The following SERINC4 variants were observed in gnomAD, a reference collection of about 807,000 sequenced individuals.
SERINC4 encodes serine incorporator 4.
Under a neutral mutation model 52.0 loss-of-function variants are expected in SERINC4, and 52 were observed. The ratio of observed to expected loss-of-function variants is 1.00; its 90% CI spans 0.80 to 1.26. The LOEUF is 1.26. SERINC4 is among the 50% of genes most tolerant of loss of function. The pLI, the probability that SERINC4 is intolerant of heterozygous loss-of-function variation, is 0.00. For synonymous variants in SERINC4, 264 were observed against 247.7 expected, an observed-to-expected ratio of 1.07 and a Z score of -0.62; for missense variants, 723 against 632.8, an observed-to-expected ratio of 1.14 and a Z score of -1.53.
At position 43,796,696 on chromosome 15, in the gene SERINC4, A is replaced by G; in HGVS notation, c.987T>C (p.Ser329=). ...TATCTGGTGTTTGGGGTTCCATTTTACTCAGGCCAGGCAGGCACAGGGTGT... is the reference window on the plus strand; with the variant it reads ...TATCTGGTGTTTGGGGTTCCATTTTGCTCAGGCCAGGCAGGCACAGGGTGT... ...QNHTLCLPGL[S]KMEPQTPDIS... Residue 329 remains serine, a synonymous_variant, in exon 8 of 12, where the codon AGT becomes AGC. Transcript: ENST00000319327. 6.2e-7 allele frequency: 1 copy of G among 1,614,072 alleles called. No homozygotes were observed. The highest frequency in any genetic ancestry group is 8.5e-7 in the Non-Finnish European group (1 of 1,180,006).
In SERINC4 at chr15:43,795,734, C is replaced by T. The variant is rs1339293392; in HGVS notation, c.1143G>A (p.Lys381=). The T allele has an allele frequency of 8.1e-6, 13 of 1,613,712 alleles. No individual in the cohort carries two copies. The highest frequency in any genetic ancestry group is 4.0e-5 in the African/African-American group (3 of 74,902). ...IVKVYSYEFQ[K]PSLCFCCPET... is the part of the protein sequence containing the mutation. ...CAGGGCAGCAGAAACACAGTGAGGG[C>T]TTCTGCAAAACAGAACGCAGGTTTT... The change falls in exon 10 of 12, where the codon AAG becomes AAA. Residue 381 remains lysine, a splice_region_variant and synonymous_variant. Transcript: ENST00000319327.
At chr15:43,796,399 A>T (rs1284088995) in intron 8 of SERINC4, 172 bp from the exon 9 acceptor site, 5 of 705,252 alleles carry the variant, frequency 7.1e-6, no homozygotes, top group Non-Finnish European at 9.6e-6. Context: ...GTCTTTGGAC[A>T]TATTTTAAAT....
chr15:43,796,824 A>G (rs776430494), intron 7 of SERINC4, 21 bp downstream of exon 7: 1 of 1,613,528 alleles, frequency 6.2e-7, no homozygotes, highest in Non-Finnish European at 8.5e-7. Flanking sequence ...TAGCATGGAG[A>G]ATCCAGGTCC....
In SERINC4 at chr15:43,795,054, CAAGAT is replaced by C. The variant is rs757346933; in HGVS notation, c.1498_1502del (p.Ile500GlufsTer12). 21 of 1,607,792 alleles carry C rather than the reference CAAGAT, an allele frequency of 1.3e-5. No homozygotes were observed. Among genetic ancestry groups the C allele is most frequent in the African/African-American group, 5.4e-5 (4 of 74,586 alleles). ...ATATGATGCGGTGGCGGCGGCGCCT[CAAGAT>C]AAGGGGCTGGGGTTTCTGGGTGGGG... On this transcript the variant is annotated frameshift_variant, in exon 12 of 12. Transcript: ENST00000319327. LOFTEE classifies it low-confidence loss of function (END_TRUNC).
rs776299722 is a variant in SERINC4, at chr15:43,796,844, C to G, written c.940+1G>C. 5.0e-5 allele frequency: 81 copies of G among 1,613,650 alleles called. No individual in the cohort carries two copies. Among genetic ancestry groups the G allele is most frequent in the Non-Finnish European group, 6.5e-5 (77 of 1,179,680 alleles). On this transcript the variant is annotated splice_donor_variant, in intron 7 of 11. Transcript: ENST00000319327. LOFTEE classifies it high-confidence loss of function. ...TGGAGAATCCAGGTCCTGTCCCTTA[C>G]CTCTCTCTGGAGGACGGCTGGACAG...
At chr15:43,799,260 TTTTTCC>T in intron 2 of SERINC4, 44 bp downstream of exon 2, 1 of 1,530,526 alleles carries the variant, frequency 6.5e-7, no homozygotes, top group Non-Finnish European at 8.8e-7. Context: ...TATCTTAGGG[TTTTTCC>T]TTTTATCTCT....
At chr15:43,798,743 T>C in intron 3 of SERINC4, 1 of 627,702 alleles carries the variant, frequency 1.6e-6, no homozygotes, top group Middle Eastern at 2.5e-4. Flanking sequence ...TTATAAAGGA[T>C]TGTGTTACCA....
chr15:43,797,552 C>T, intron 5 of SERINC4, 196 bp from the exon 6 acceptor site: 1 of 570,456 alleles, frequency 1.8e-6, no homozygotes, highest in South Asian at 2.1e-5. Context: ...ACCACCATGT[C>T]CAGCTAACTT....
At chr15:43,795,659 C>CTA in intron 10 of SERINC4, 29 bp downstream of exon 10, 1 of 1,613,232 alleles carries the variant, frequency 6.2e-7, no homozygotes, top group Non-Finnish European at 8.5e-7. Context: ...AGATCTACCA[C>CTA]TTCTTATGGT....
At chr15:43,796,489 G>C (rs549311835) in intron 8 of SERINC4, 127 bp downstream of exon 8, 3 of 1,033,116 alleles carry the variant, frequency 2.9e-6, no homozygotes, top group Non-Finnish European at 2.9e-6. Context: ...GTCCCTGTTT[G>C]TGGGGAGCTT....
rs1178971193 is a variant in SERINC4 at position 43,795,694 on chromosome 15, C to G, written c.1183G>C (p.Asp395His). ...CFCCPETVEA[D>H]KGQRGGAARP... ...TTCCTCACTTGGCACTCACCTTTGT[C>G]TGCCTCCACTGTTTCAGGGCAGCAG... Residue 395 changes from aspartate (D) to histidine (H), a missense_variant, in exon 10 of 12, where the codon GAC (aspartate) becomes CAC (histidine). Transcript: ENST00000319327. 5 of 1,613,916 alleles carry G rather than the reference C, an allele frequency of 3.1e-6. No homozygotes were observed. The African/African-American group carries it at 6.7e-5, about 22-fold the overall frequency.
At position 43,795,131 on chromosome 15, in the gene SERINC4, A is replaced by G. The variant is rs1317741426; in HGVS notation, c.1426T>C (p.Cys476Arg). 1.9e-6 allele frequency: 3 copies of G among 1,614,162 alleles called. No homozygotes were observed. Among genetic ancestry groups the G allele is most frequent in the Non-Finnish European group, 2.5e-6 (3 of 1,180,032 alleles). ...FWVKVASCWA[C>R]VLLYLGLLLA... ...AACAGCCCCAGATAGAGGAGTACGC[A>G]GGCCCAGCATGAGGCAACCTTGACC... The change falls in exon 12 of 12, where the codon TGC becomes CGC. Residue 476 changes from cysteine to arginine, a missense_variant. By Grantham distance (180) the Cys-to-Arg change is radical. Coordinates refer to ENST00000319327, the MANE Select transcript of SERINC4 (RefSeq NM_001258031.2).
At chr15:43,795,835 GT>G in intron 9 of SERINC4, 99 bp from the exon 10 acceptor site, 1 of 1,252,046 alleles carries the variant, frequency 8.0e-7, no homozygotes, top group Admixed American at 2.3e-5. Flanking sequence ...GTATTAAAAA[GT>G]GGAGGCACAC....
Position 43,794,302 on chromosome 15 carries a change from T to C in SERINC4, c.*698A>G, listed in dbSNP as rs1464949453. 1 of 256,918 alleles carries C rather than the reference T, an allele frequency of 3.9e-6. No individual in the cohort carries two copies. The highest frequency in any genetic ancestry group is 2.2e-5 in the African/African-American group (1 of 44,976). The allele number at this position is 256,918 out of a possible 1,614,324, so 15.9% of individuals were successfully genotyped here. ...GTTCCCCACCCTTGAACACCATCTC[T>C]AGGATGGAGTTGGCCTAAGAGTGAA... On this transcript the variant is annotated 3_prime_UTR_variant, in exon 12 of 12. Coordinates refer to ENST00000319327, the MANE Select transcript of SERINC4 (RefSeq NM_001258031.2).
At chr15:43,795,818 T>A in intron 9 of SERINC4, 82 bp from the exon 10 acceptor site, 1 of 1,447,064 alleles carries the variant, frequency 6.9e-7, no homozygotes, top group African/African-American at 1.4e-5. Flanking sequence ...GTGAAAAGAT[T>A]GGTCTAGTAT....
At position 43,794,801 on chromosome 15, in the gene SERINC4, C is replaced by T; in HGVS notation, c.*199G>A. ...CTCTTGAGCTGGGATGCAGATGTAA[C>T]AGTAGCTCCAGTGAGTCAGACACTC... On this transcript the variant is annotated 3_prime_UTR_variant, in exon 12 of 12. Transcript: ENST00000319327. The T allele has an allele frequency of 1.8e-6, 1 of 551,074 alleles. No homozygotes were observed. The highest frequency in any genetic ancestry group is 3.2e-6 in the Non-Finnish European group (1 of 309,730). 34.1% of individuals were successfully genotyped at this position (551,074 alleles called of 1,614,324 possible). A position where few individuals can be genotyped will look rare whatever the true frequency, so the allele number is the denominator to read the frequency against.
At chr15:43,796,577 CCCTCCTTTCATA>C in intron 8 of SERINC4, 27 bp downstream of exon 8, 1 of 1,606,232 alleles carries the variant, frequency 6.2e-7, no homozygotes, top group Non-Finnish European at 8.5e-7. Context: ...GTCTTGGGCA[CCCTCCTTTCATA>C]CCTCCACCCT....
rs1353448226 is a variant in SERINC4 at position 43,799,236 on chromosome 15, A to G, written c.279+74T>C. On this transcript the variant is annotated intron_variant, in intron 2 of 11. Coordinates refer to ENST00000319327, the MANE Select transcript of SERINC4 (RefSeq NM_001258031.2). ...ACCACTCATTTGTCTCCTGCCCCCAACCGAAACCTTTTCTATCTTAGGGTT... is the reference window on the plus strand; with the variant it reads ...ACCACTCATTTGTCTCCTGCCCCCAGCCGAAACCTTTTCTATCTTAGGGTT... The G allele has an allele frequency of 4.6e-6, 7 of 1,515,004 alleles. No individual in the cohort carries two copies. The East Asian group carries it at 1.2e-4, about 27-fold the overall frequency. 93.8% of individuals were successfully genotyped at this position (1,515,004 alleles called of 1,614,324 possible). A position where few individuals can be genotyped will look rare whatever the true frequency, so the allele number is the denominator to read the frequency against.
Position 43,795,470 on chromosome 15 carries a change from G to C in SERINC4, c.1261C>G (p.Leu421Val), listed in dbSNP as rs1300665479. The C allele has an allele frequency of 1.9e-6, 3 of 1,614,236 alleles. No individual in the cohort carries two copies. The East Asian group carries it at 6.7e-5, about 36-fold the overall frequency. The stretch of plus-strand genomic sequence containing the variant: ...TGGAAGGCAGAATAGTTGTAGGAAA[G>C]ATGCTGGACTTGGACTGGAGGAGCT... ...PPAPPVQVQHLSYNYSAFHFV... is the reference protein window; with the variant it reads ...PPAPPVQVQHVSYNYSAFHFV... Residue 421 changes from leucine to valine, a missense_variant, in exon 11 of 12, where the codon CTT becomes GTT. Physicochemically the swap from Leu to Val is conservative, Grantham distance 32. Coordinates refer to ENST00000319327, the MANE Select transcript of SERINC4 (RefSeq NM_001258031.2).
Sources: gnomAD v4.1 joint callset for allele counts on GRCh38, gnomAD v4.1.1 for gene constraint, MANE v1.5 for transcripts, NCBI Gene and HGNC (gene_info 2026-07-23, HGNC 2026-07-21) for gene names.